ROR1: variants seen among roughly 807,000 people sequenced by gnomAD.
The protein encoded by ROR1 is ROR family WNT receptor 1.
Under a neutral mutation model 78.8 loss-of-function variants are expected in ROR1, and 19 were observed. That is an observed-to-expected ratio of 0.24 (90% confidence interval 0.17 to 0.35). ROR1 has a LOEUF of 0.35. ROR1 is among the 10% of genes least tolerant of loss of function. The pLI is 1.00. For missense variants in ROR1, 917 were observed against 1,177.8 expected (o/e 0.78, Z 3.24); for synonymous variants, 386 against 433.6 (o/e 0.89, Z 1.36).
intron 1 of ROR1, among the ~76,000 whole-genome samples, chr1:63,886,926 G>GATAT (rs138898958): frequency 4.7e-3 from 713 of 152,290 alleles, no homozygotes; most frequent in Non-Finnish European, 8.2e-3. Context: ...CAGTTACCTG[G>GATAT]ATATATGATG....
chr1:64,056,704 A>G (rs1476486464), intron 4 of ROR1, among the ~76,000 whole-genome samples: 1 of 151,514 alleles, frequency 6.6e-6, no homozygotes, highest in Non-Finnish European at 1.5e-5. Context: ...ACATTATTAT[A>G]GCCATCCTCG....
At chr1:63,925,643 T>C (rs11208318) in intron 1 of ROR1, among the ~76,000 whole-genome samples, 3,013 of 150,046 alleles carry the variant, frequency 0.02, 95 homozygotes, top group African/African-American at 0.072. Context: ...GTGTAAAAGT[T>C]TTCCTATTTC....
intron 8 of ROR1, among the ~76,000 whole-genome samples, chr1:64,163,961 C>T (rs1650016062): frequency 6.6e-6 from 1 of 152,190 alleles, no homozygotes; most frequent in Non-Finnish European, 1.5e-5. Context: ...GTTATTTAAT[C>T]CAGTGACCTT....
At chr1:63,862,391 CAAAAAAAAAA>C (rs1164915396) in intron 1 of ROR1, among the ~76,000 whole-genome samples, 3 of 56,822 alleles carry the variant, frequency 5.3e-5, no homozygotes, top group East Asian at 5.5e-4. Context: ...GAGACTGTCT[CAAAAAAAAAA>C]AAAAAAAAAA....
chr1:64,052,525 C>G (rs1409487106), intron 4 of ROR1, among the ~76,000 whole-genome samples: 1 of 152,066 alleles, frequency 6.6e-6, no homozygotes, highest in Non-Finnish European at 1.5e-5. Flanking sequence ...TCTGATGAAC[C>G]CAGTCTAGGT....
At chr1:63,836,937 G>A (rs901458786) in intron 1 of ROR1, among the ~76,000 whole-genome samples, 1 of 152,178 alleles carries the variant, frequency 6.6e-6, no homozygotes, top group South Asian at 2.1e-4. Context: ...AAGTGTGTGT[G>A]CGTGTTTGAA....
At chr1:63,782,544 G>GTTT (rs1180388246) in intron 1 of ROR1, among the ~76,000 whole-genome samples, 35 of 121,308 alleles carry the variant, frequency 2.9e-4, no homozygotes, top group African/African-American at 1.2e-3. Flanking sequence ...AGATTTTGAG[G>GTTT]TTTTTTTTTT....
intron 1 of ROR1, among the ~76,000 whole-genome samples, chr1:63,954,013 G>A (rs1645962205): frequency 6.6e-6 from 1 of 152,184 alleles, no homozygotes; most frequent in South Asian, 2.1e-4. Flanking sequence ...GTGGTTTGCA[G>A]GAGTGAGACC....
intron 7 of ROR1, chr1:64,142,923 C>T: frequency 8.0e-7 from 1 of 1,253,482 alleles, no homozygotes; most frequent in South Asian, 2.2e-5. Context: ...ACAGTTGAGA[C>T]AGTTTATCAC....
chr1:64,114,939 G>A (rs1015552313), intron 4 of ROR1, among the ~76,000 whole-genome samples: 36 of 152,206 alleles, frequency 2.4e-4, no homozygotes, highest in African/African-American at 7.7e-4. Context: ...GTTAAGTAGA[G>A]GTAAAATAGG....
intron 4 of ROR1, among the ~76,000 whole-genome samples, chr1:64,134,165 C>T (rs770690824): frequency 4.6e-5 from 7 of 152,148 alleles, no homozygotes; most frequent in Non-Finnish European, 7.4e-5. Flanking sequence ...TTCTGAGTCT[C>T]ACTTTTCTCA....
At chr1:63,860,606 T>TAC (rs1645174878) in intron 1 of ROR1, among the ~76,000 whole-genome samples, 1 of 72,352 alleles carries the variant, frequency 1.4e-5, no homozygotes, top group South Asian at 5.1e-4. Context: ...CACACACACA[T>TAC]ACACACACAC....
chr1:63,881,347 C>A (rs931456575), intron 1 of ROR1, among the ~76,000 whole-genome samples: 5 of 152,062 alleles, frequency 3.3e-5, no homozygotes, highest in Non-Finnish European at 5.9e-5. Context: ...GGCATTCAGA[C>A]CTCCTAAAAT....
At chr1:64,141,717 T>G (rs527626891) in intron 6 of ROR1, among the ~76,000 whole-genome samples, 1 of 152,338 alleles carries the variant, frequency 6.6e-6, no homozygotes, top group South Asian at 2.1e-4. Flanking sequence ...TTAATACTAT[T>G]TTGTGAGTTA....
At chr1:64,080,559 G>A (rs1188451023) in intron 4 of ROR1, among the ~76,000 whole-genome samples, 1 of 152,200 alleles carries the variant, frequency 6.6e-6, no homozygotes, top group Non-Finnish European at 1.5e-5. Context: ...CGTTCTTCAT[G>A]CTGTAGCAAT....
intron 2 of ROR1, among the ~76,000 whole-genome samples, chr1:64,033,898 G>T (rs1646680446): frequency 6.6e-6 from 1 of 152,198 alleles, no homozygotes; most frequent in African/African-American, 2.4e-5. Flanking sequence ...TTTGCTCAAG[G>T]ATACATGAGA....
chr1:63,933,544 G>A (rs571082526), intron 1 of ROR1, among the ~76,000 whole-genome samples: 6 of 152,292 alleles, frequency 3.9e-5, no homozygotes, highest in East Asian at 1.9e-4. Context: ...TAACTCCATC[G>A]CAGAAGGGTT....
intron 2 of ROR1, among the ~76,000 whole-genome samples, chr1:64,029,613 C>T (rs1158912280): frequency 6.6e-6 from 1 of 152,194 alleles, no homozygotes; most frequent in East Asian, 1.9e-4. Flanking sequence ...CAGATGGCCA[C>T]TGGCGTCTTG....
intron 4 of ROR1, among the ~76,000 whole-genome samples, chr1:64,079,409 C>G (rs17126129): frequency 2.6e-5 from 4 of 151,868 alleles, no homozygotes; most frequent in Admixed American, 2.6e-4. Flanking sequence ...AAATAGATAG[C>G]AGCCAATTTT....
Sources: gnomAD v4.1 joint callset for allele counts (sites outside exome capture counted in the v4.1 genomes callset) on GRCh38, gnomAD v4.1.1 for gene constraint, MANE v1.5 for transcripts, NCBI Gene and HGNC (gene_info 2026-07-23, HGNC 2026-07-21) for gene names.